GMDS: variants seen among roughly 807,000 people sequenced by gnomAD.
GMDS encodes the protein GDP-mannose 4,6-dehydratase.
In GMDS, 20 loss-of-function variants were observed where a neutral mutation model predicts 49.9. The ratio of observed to expected loss-of-function variants is 0.40; its 90% CI spans 0.28 to 0.58. The LOEUF (loss-of-function observed/expected upper bound fraction) is 0.58. Ranked by LOEUF, GMDS falls within the 20% of genes least tolerant of loss-of-function variation. The pLI is 0.42. For synonymous variants in GMDS, 177 were observed against 178.6 expected, an observed-to-expected ratio of 0.99 and a Z score of 0.07; for missense variants, 362 against 481.4, an observed-to-expected ratio of 0.75 and a Z score of 2.32.
At chr6:1,702,609 G>A (rs1485092350) in intron 9 of GMDS, among the ~76,000 whole-genome samples, 5 of 152,210 alleles carry the variant, frequency 3.3e-5, no homozygotes, top group Non-Finnish European at 7.3e-5. Flanking sequence ...GTCCCTCTGT[G>A]GGTCCCCCAG....
intron 4 of GMDS, among the ~76,000 whole-genome samples, chr6:1,972,533 C>T (rs1764680569): frequency 6.6e-6 from 1 of 152,174 alleles, no homozygotes; most frequent in African/African-American, 2.4e-5. Context: ...AGCAGGAATA[C>T]TTAACCAAGG....
intron 7 of GMDS, among the ~76,000 whole-genome samples, chr6:1,893,439 G>C (rs898345586): frequency 1.3e-5 from 2 of 152,088 alleles, no homozygotes; most frequent in African/African-American, 4.8e-5. Context: ...TGATCCGCCT[G>C]CCTCCCAAAG....
At chr6:1,764,038 C>T (rs1226845608) in intron 7 of GMDS, among the ~76,000 whole-genome samples, 1 of 152,048 alleles carries the variant, frequency 6.6e-6, no homozygotes, top group Admixed American at 6.5e-5. Flanking sequence ...TGCTGCTTGT[C>T]CGGTACATCT....
At chr6:2,077,784 T>C (rs1468256658) in intron 4 of GMDS, among the ~76,000 whole-genome samples, 1 of 152,122 alleles carries the variant, frequency 6.6e-6, no homozygotes, top group African/African-American at 2.4e-5. Flanking sequence ...ATAAGGGTGA[T>C]GCTGCCCTCA....
chr6:1,824,039 G>A (rs1396587180), intron 7 of GMDS, among the ~76,000 whole-genome samples: 1 of 152,060 alleles, frequency 6.6e-6, no homozygotes, highest in Non-Finnish European at 1.5e-5. Context: ...TGTGTCTCCT[G>A]TGTGCTTATG....
chr6:1,771,586 T>C lies in GMDS; in HGVS notation c.772-29000A>G, dbSNP rs150034189. Among the ~76,000 whole-genome samples, 258 of 152,356 alleles carry C rather than the reference T, an allele frequency of 1.7e-3. 2 individuals carry two copies. The highest frequency in any genetic ancestry group is 5.9e-3 in the African/African-American group (247 of 41,586). On this transcript the variant is annotated intron_variant, in intron 7 of 10. Transcript: ENST00000380815. ...CTGAGTAAATTGGATGCATGCATCC[T>C]ACAGCTACACAGCACTGTCTGTTTT...
chr6:2,112,670 TA>T (rs1415135624), intron 4 of GMDS, among the ~76,000 whole-genome samples: 23 of 152,210 alleles, frequency 1.5e-4, no homozygotes, highest in Admixed American at 1.5e-3. Context: ...TCTCAACTTC[TA>T]AACCCCTTGC....
At chr6:1,877,029 T>C (rs1373378136) in intron 7 of GMDS, among the ~76,000 whole-genome samples, 1 of 152,194 alleles carries the variant, frequency 6.6e-6, no homozygotes, top group African/African-American at 2.4e-5. Flanking sequence ...GACATGCTGG[T>C]GGACAGCAGG....
intron 4 of GMDS, among the ~76,000 whole-genome samples, chr6:2,025,357 G>GGTGTGTGT (rs200096039): frequency 1.2e-4 from 17 of 136,574 alleles, no homozygotes; most frequent in African/African-American, 4.7e-4. Flanking sequence ...CTGATGGTGG[G>GGTGTGTGT]GTGTGTGTGT....
intron 7 of GMDS, among the ~76,000 whole-genome samples, chr6:1,816,053 T>C (rs914004195): frequency 2.0e-5 from 3 of 152,230 alleles, no homozygotes; most frequent in Admixed American, 6.5e-5. Context: ...CGAGCACGCA[T>C]GCTCACTGCC....
At chr6:1,999,993 ATATT>A (rs1387862420) in intron 4 of GMDS, among the ~76,000 whole-genome samples, 2 of 16,346 alleles carry the variant, frequency 1.2e-4, no homozygotes, top group Admixed American at 1.2e-3. Context: ...TTATATATAT[ATATT>A]ATATATATAT....
At chr6:1,697,016 G>A (rs1293958592) in intron 9 of GMDS, among the ~76,000 whole-genome samples, 2 of 152,204 alleles carry the variant, frequency 1.3e-5, no homozygotes, top group African/African-American at 4.8e-5. Context: ...AAGAAAACAG[G>A]CTGGTACATG....
intron 7 of GMDS, among the ~76,000 whole-genome samples, chr6:1,752,810 A>G (rs186720733): frequency 5.3e-5 from 8 of 152,328 alleles, no homozygotes; most frequent in African/African-American, 1.9e-4. Flanking sequence ...AGGAGAAATG[A>G]AATCCTTTAC....
chr6:1,863,766 T>C (rs1758310201), intron 7 of GMDS, among the ~76,000 whole-genome samples: 1 of 152,216 alleles, frequency 6.6e-6, no homozygotes, highest in African/African-American at 2.4e-5. Flanking sequence ...AATCACTTTA[T>C]CATTATTGCA....
intron 1 of GMDS, among the ~76,000 whole-genome samples, chr6:2,174,824 C>T (rs947057465): frequency 3.3e-5 from 5 of 152,076 alleles, no homozygotes; most frequent in African/African-American, 1.2e-4. Flanking sequence ...CCATCTTGGC[C>T]TCCCAAAGTG....
At chr6:1,915,084 G>A (rs931344950) in intron 7 of GMDS, among the ~76,000 whole-genome samples, 5 of 152,204 alleles carry the variant, frequency 3.3e-5, no homozygotes, top group South Asian at 4.1e-4. Context: ...CTTAGACCTC[G>A]AACCATCCAC....
intron 7 of GMDS, among the ~76,000 whole-genome samples, chr6:1,763,272 T>C (rs184891721): frequency 6.6e-6 from 1 of 152,338 alleles, no homozygotes; most frequent in Non-Finnish European, 1.5e-5. Flanking sequence ...CTAATGTGCA[T>C]CTTCTTAACC....
chr6:1,786,465 C>T (rs1769324565), intron 7 of GMDS, among the ~76,000 whole-genome samples: 2 of 152,228 alleles, frequency 1.3e-5, no homozygotes, highest in South Asian at 4.1e-4. Context: ...AAGCCCCTCG[C>T]ACAGCCTGAG....
intron 7 of GMDS, among the ~76,000 whole-genome samples, chr6:1,747,637 G>GT (rs2113509711): frequency 6.6e-6 from 1 of 152,092 alleles, no homozygotes; most frequent in South Asian, 2.1e-4. Flanking sequence ...ATTCACATGC[G>GT]TTTCATCTCT....
Sources: gnomAD v4.1 joint callset for allele counts (sites outside exome capture counted in the v4.1 genomes callset) on GRCh38, gnomAD v4.1.1 for gene constraint, MANE v1.5 for transcripts, NCBI Gene and HGNC (gene_info 2026-07-23, HGNC 2026-07-21) for gene names.